The following ZNF804A variants were observed in gnomAD, a reference collection of about 807,000 sequenced individuals.
ZNF804A encodes the protein zinc finger protein 804A.
Under a neutral mutation model 16.5 loss-of-function variants are expected in ZNF804A, and 2 were observed. That is an observed-to-expected ratio of 0.12 (90% CI 0.05 to 0.38). The LOEUF (loss-of-function observed/expected upper bound fraction) is 0.38. Among genes scored for constraint, ZNF804A ranks in the 10% least tolerant of loss-of-function variants. The pLI is 0.99. For missense variants in ZNF804A, 1,473 were observed against 1,390.7 expected (o/e 1.06, Z -0.94); for synonymous variants, 534 against 489.6 (o/e 1.09, Z -1.20).
chr2:184,933,490 C>A, intron 2 of ZNF804A, 113 bp from the exon 3 acceptor site: 1 of 968,736 alleles, frequency 1.0e-6, no homozygotes, highest in Non-Finnish European at 1.5e-6. Flanking sequence ...GTTGTGTTTA[C>A]CTCTCGACAA....
rs558943548 is a variant in ZNF804A at position 184,778,856 on chromosome 2, A to G, written c.112-87513A>G. Among the ~76,000 whole-genome samples, 5 of 151,854 alleles carry G rather than the reference A, an allele frequency of 3.3e-5. No individual in the cohort carries two copies. The East Asian group carries it at 9.7e-4, about 30-fold the overall frequency. ...CAGAGCTTCACAGACTTGACAGTGTATACCTCAACATCCAAAGGCCTACTG... is the reference window on the plus strand; with the variant it reads ...CAGAGCTTCACAGACTTGACAGTGTGTACCTCAACATCCAAAGGCCTACTG... On this transcript the variant is annotated intron_variant, in intron 1 of 3. Transcript: ENST00000302277.
intron 1 of ZNF804A, among the ~76,000 whole-genome samples, chr2:184,844,078 C>CA (rs1054370319): frequency 6.6e-6 from 1 of 151,878 alleles, no homozygotes; most frequent in African/African-American, 2.4e-5. Context: ...TTAGAGTTTA[C>CA]AATGTACATT....
chr2:184,766,912 G>C (rs913656456), intron 1 of ZNF804A, among the ~76,000 whole-genome samples: 2 of 152,000 alleles, frequency 1.3e-5, no homozygotes, highest in Non-Finnish European at 2.9e-5. Flanking sequence ...AAGTAATTAA[G>C]GTTAAATGAG....
At chr2:184,702,963 G>A (rs550574480) in intron 1 of ZNF804A, among the ~76,000 whole-genome samples, 3 of 152,192 alleles carry the variant, frequency 2.0e-5, no homozygotes, top group African/African-American at 7.2e-5. Flanking sequence ...AATATTGTTT[G>A]AATATCTGGG....
rs1403110758 is a variant in ZNF804A at position 184,901,440 on chromosome 2, T to TAGG, written c.256-32161_256-32159dup. 3.3e-5 allele frequency among the ~76,000 whole-genome samples: 5 copies of TAGG among 152,244 alleles called. No individual in the cohort carries two copies. The East Asian group carries it at 9.7e-4, about 29-fold the overall frequency. ...ACTGCAAAAGTCCTGGCAGTACTTGTAGGAATGCTTCTACATTAGTAATGA... is the reference window on the plus strand; with the variant it reads ...ACTGCAAAAGTCCTGGCAGTACTTGTAGGAGGAATGCTTCTACATTAGTAATGA... On this transcript the variant is annotated intron_variant, in intron 2 of 3. Coordinates refer to ENST00000302277, the MANE Select transcript of ZNF804A (RefSeq NM_194250.2).
At chr2:184,637,754 A>G (rs531879768) in intron 1 of ZNF804A, among the ~76,000 whole-genome samples, 2 of 152,314 alleles carry the variant, frequency 1.3e-5, no homozygotes, top group Middle Eastern at 3.4e-3. Context: ...CTAGCTATTT[A>G]AATACAACAT....
intron 1 of ZNF804A, among the ~76,000 whole-genome samples, chr2:184,802,156 C>A (rs1251117731): frequency 1.3e-5 from 2 of 152,136 alleles, no homozygotes; most frequent in African/African-American, 4.8e-5. Flanking sequence ...GTGATTAAAT[C>A]TTAGCCTTGT....
At chr2:184,667,281 T>C (rs541355818) in intron 1 of ZNF804A, among the ~76,000 whole-genome samples, 2 of 152,080 alleles carry the variant, frequency 1.3e-5, no homozygotes, top group South Asian at 4.1e-4. Context: ...AAGATTCAGA[T>C]CTCTTGTATA....
chr2:184,883,999 A>G (rs1190263859), intron 2 of ZNF804A, among the ~76,000 whole-genome samples: 1 of 152,178 alleles, frequency 6.6e-6, no homozygotes, highest in Non-Finnish European at 1.5e-5. Context: ...TCTGGATAGC[A>G]AAAGAGAAAG....
chr2:184,612,037 T>G (rs898415742), intron 1 of ZNF804A, among the ~76,000 whole-genome samples: 1 of 152,194 alleles, frequency 6.6e-6, no homozygotes, highest in Non-Finnish European at 1.5e-5. Context: ...TTAAACCTTT[T>G]ATGATTCTTA....
At chr2:184,610,279 A>T (rs1035093861) in intron 1 of ZNF804A, among the ~76,000 whole-genome samples, 17 of 152,276 alleles carry the variant, frequency 1.1e-4, no homozygotes, top group African/African-American at 3.1e-4. Context: ...AACTTTTTTA[A>T]TGTATTATCC....
chr2:184,789,204 A>G (rs1445088259), intron 1 of ZNF804A, among the ~76,000 whole-genome samples: 1 of 151,948 alleles, frequency 6.6e-6, no homozygotes, highest in Non-Finnish European at 1.5e-5. Context: ...ATCATGGTTA[A>G]TTATTTTTTG....
chr2:184,674,813 A>G (rs1424253628), intron 1 of ZNF804A, among the ~76,000 whole-genome samples: 10 of 151,882 alleles, frequency 6.6e-5, no homozygotes, highest in Non-Finnish European at 1.3e-4. Flanking sequence ...GTAGAATTAT[A>G]AAATGTGAAC....
At position 184,736,187 on chromosome 2, in the gene ZNF804A, AAC is replaced by A. The variant is rs748138545; in HGVS notation, c.112-130178_112-130177del. Reference sequence around the variant, plus strand: ...TTTATTGATTGCTTACAGGATGAAAAACACAGCATAGGGCAACATGATTTCCA... The same window carrying A: ...TTTATTGATTGCTTACAGGATGAAAAACAGCATAGGGCAACATGATTTCCA... On this transcript the variant is annotated intron_variant, in intron 1 of 3. Coordinates refer to ENST00000302277, the MANE Select transcript of ZNF804A (RefSeq NM_194250.2). Among the ~76,000 whole-genome samples, 120 of 152,256 alleles carry A rather than the reference AAC, an allele frequency of 7.9e-4. 2 individuals carry two copies. The highest frequency in any genetic ancestry group is 2.3e-3 in the South Asian group (11 of 4,820).
At chr2:184,817,569 C>G (rs1027085500) in intron 1 of ZNF804A, among the ~76,000 whole-genome samples, 2 of 151,990 alleles carry the variant, frequency 1.3e-5, no homozygotes, top group Non-Finnish European at 2.9e-5. Flanking sequence ...GCTGAATTGA[C>G]AGAAGGAGGC....
At chr2:184,650,736 C>G (rs770757974) in intron 1 of ZNF804A, among the ~76,000 whole-genome samples, 7 of 152,112 alleles carry the variant, frequency 4.6e-5, no homozygotes, top group Admixed American at 4.6e-4. Context: ...CCTAGGAATA[C>G]ATGTAACCAG....
chr2:184,908,475 G>A (rs1229958409), intron 2 of ZNF804A, among the ~76,000 whole-genome samples: 1 of 152,074 alleles, frequency 6.6e-6, no homozygotes, highest in Non-Finnish European at 1.5e-5. Flanking sequence ...CATCTGCAAA[G>A]TTACTTTGCC....
intron 1 of ZNF804A, among the ~76,000 whole-genome samples, chr2:184,833,184 C>T (rs1695292030): frequency 6.6e-6 from 1 of 152,002 alleles, no homozygotes; most frequent in Admixed American, 6.6e-5. Flanking sequence ...GTAAATTTCC[C>T]ATGCTATATT....
chr2:184,815,258 T>C (rs999601958), intron 1 of ZNF804A, among the ~76,000 whole-genome samples: 1 of 151,902 alleles, frequency 6.6e-6, no homozygotes, highest in Non-Finnish European at 1.5e-5. Flanking sequence ...AAAAAAAACA[T>C]AAAATAATTA....
Sources: allele counts gnomAD v4.1 joint callset (sites outside exome capture counted in the v4.1 genomes callset), GRCh38; gene constraint gnomAD v4.1.1; transcripts MANE v1.5; gene names NCBI Gene and HGNC (gene_info 2026-07-23, HGNC 2026-07-21).